Variants in ADSS1 observed in about 807,000 individuals in gnomAD.
The protein encoded by ADSS1 is adenylosuccinate synthase 1, also known as adenylosuccinate synthetase isozyme 1.
Under a neutral mutation model 59.1 loss-of-function variants are expected in ADSS1, and 57 were observed. The observed-to-expected ratio is 0.97, with a 90% CI of 0.78 to 1.20. The LOEUF (loss-of-function observed/expected upper bound fraction) is 1.20. Among genes scored for constraint, ADSS1 ranks in the 50% most tolerant of loss-of-function variants. The pLI is 0.00. For synonymous variants in ADSS1, 247 were observed against 249.4 expected, an observed-to-expected ratio of 0.99 and a Z score of 0.09; for missense variants, 603 against 610.3, an observed-to-expected ratio of 0.99 and a Z score of 0.13.
In ADSS1 at chr14:104,740,880, C is replaced by T. The variant is rs144265214; in HGVS notation, c.626C>T (p.Thr209Ile). Residue 209 changes from threonine (T) to isoleucine (I), a missense_variant, in exon 7 of 13, where the codon ACC becomes ATC. Transcript: ENST00000330877. The surrounding 1 kb of genome is among the most constrained non-coding windows in gnomAD (Gnocchi z 4.8). ...LAHQHQSMFP[T>I]LEIDIEGQLK... ...CACCAGCACCAGTCGATGTTCCCCA[C>T]CCTGGAAATAGACATTGAAGGCCAA... is the stretch of plus-strand genomic sequence containing the variant. 3 of 1,613,930 alleles carry T rather than the reference C, an allele frequency of 1.9e-6. No individual in the cohort carries two copies. Among genetic ancestry groups the T allele is most frequent in the South Asian group, 1.1e-5 (1 of 91,074 alleles).
At chr14:104,733,496 C>T (rs1398566516) in intron 1 of ADSS1, among the ~76,000 whole-genome samples, 1 of 152,168 alleles carries the variant, frequency 6.6e-6, no homozygotes, top group African/African-American at 2.4e-5. Flanking sequence ...CCAGATGCAT[C>T]GTGAGGAGCT....
In ADSS1 at chr14:104,746,306, A is replaced by G. The variant is rs532710620; in HGVS notation, c.1242A>G (p.Thr414=). The change falls in exon 12 of 13, where the codon ACA becomes ACG. Residue 414 remains threonine (T), a synonymous_variant. Transcript: ENST00000330877. ...TGCCTGGGTGGAAAGCAGACACCAC[A>G]GGCGCCAGGAGGTGGGAGGACCTGC... ...ETLPGWKADT[T]GARRWEDLPP... 6.8e-5 allele frequency: 109 copies of G among 1,613,686 alleles called. 1 individual carries two copies. The Middle Eastern group carries it at 9.9e-4, about 15-fold the overall frequency.
intron 10 of ADSS1, 136 bp from the exon 11 acceptor site, chr14:104,744,676 A>C (rs1196461644): frequency 6.2e-5 from 46 of 737,208 alleles, no homozygotes; most frequent in Non-Finnish European, 5.0e-5. Flanking sequence ...CAGGCCACCA[A>C]CCAGTACTGG....
In ADSS1 at chr14:104,739,798, A is replaced by C; in HGVS notation, c.458A>C (p.Gln153Pro). Residue 153 changes from glutamine to proline, a missense_variant, in exon 5 of 13, where the codon CAG becomes CCG. By Grantham distance (76) the Gln-to-Pro change is moderately conservative (BLOSUM62 -1). Transcript: ENST00000330877. The part of the protein sequence containing the change: ...AVDGLQEVQR[Q>P]AQEGKNIGTT... ...GACGGACTTCAGGAAGTGCAGCGCCAGGCACAAGAGGGGAAGAAGTAAGTC... is the reference window on the plus strand; with the variant it reads ...GACGGACTTCAGGAAGTGCAGCGCCCGGCACAAGAGGGGAAGAAGTAAGTC... The C allele has an allele frequency of 6.2e-7, 1 of 1,613,904 alleles. No homozygotes were observed. The highest frequency in any genetic ancestry group is 1.7e-5 in the Admixed American group (1 of 60,022).
rs577726971 is a variant in ADSS1 at position 104,729,511 on chromosome 14, G to T, written c.192+5049G>T. Among the ~76,000 whole-genome samples the T allele has an allele frequency of 1.3e-3, 189 of 142,822 alleles. 3 individuals are homozygous for T. Among genetic ancestry groups the T allele is most frequent in the African/African-American group, 4.5e-3 (175 of 38,832 alleles). 93.7% of individuals were successfully genotyped at this position (142,822 alleles called of 152,430 possible). ...GGAGGGAGGAGGTAGCGTCGGCGTGGGGGAGGAGCGTGGCGTCGGCGTCGT... is the reference window on the plus strand; with the variant it reads ...GGAGGGAGGAGGTAGCGTCGGCGTGTGGGAGGAGCGTGGCGTCGGCGTCGT... On this transcript the variant is annotated intron_variant, in intron 1 of 12. Transcript: ENST00000330877.
chr14:104,745,235 G>A (rs1303952530), intron 11 of ADSS1: 16 of 309,202 alleles, frequency 5.2e-5, no homozygotes, highest in South Asian at 4.3e-4. Context: ...AGGGAGCCAC[G>A]GGAGGCACAC....
At chr14:104,725,209 G>A (rs1012043956) in intron 1 of ADSS1, among the ~76,000 whole-genome samples, 11 of 152,138 alleles carry the variant, frequency 7.2e-5, no homozygotes, top group Non-Finnish European at 1.6e-4. Context: ...TGCTCTCAGC[G>A]CCCCCATCTG....
chr14:104,734,435 G>A (rs769246174), intron 1 of ADSS1, among the ~76,000 whole-genome samples: 6 of 152,242 alleles, frequency 3.9e-5, no homozygotes, highest in Non-Finnish European at 8.8e-5. Context: ...TGTATCATGT[G>A]GCTGTCTCAT....
intron 1 of ADSS1, among the ~76,000 whole-genome samples, chr14:104,733,403 C>G (rs1891002213): frequency 6.6e-6 from 1 of 152,246 alleles, no homozygotes; most frequent in Middle Eastern, 3.2e-3. Flanking sequence ...AGCCCCCTGC[C>G]TGGCATCTCT....
intron 8 of ADSS1, 76 bp from the exon 9 acceptor site, chr14:104,741,772 G>T: frequency 6.4e-7 from 1 of 1,570,584 alleles, no homozygotes; most frequent in Non-Finnish European, 8.7e-7. Context: ...GCCCTTTACT[G>T]AGAAGGCCTC....
chr14:104,735,256 A>C (rs1595201616), intron 2 of ADSS1, 134 bp downstream of exon 2: 1 of 797,442 alleles, frequency 1.3e-6, no homozygotes. Flanking sequence ...CCCAGCCTCC[A>C]CCTGCCCCAC....
rs761496802 is a variant in ADSS1 at position 104,732,126 on chromosome 14, C to T, written c.193-2894C>T. On this transcript the variant is annotated intron_variant, in intron 1 of 12. Coordinates refer to ENST00000330877, the MANE Select transcript of ADSS1 (RefSeq NM_152328.5). ...GGCGAGGCTGGCCCTGATGTTTGGT[C>T]CCTCCTCATCGGCCAGCCTCATGGT... Among the ~76,000 whole-genome samples the T allele has an allele frequency of 1.7e-3, 263 of 152,312 alleles. 3 individuals carry two copies. The highest frequency in any genetic ancestry group is 5.4e-3 in the African/African-American group (223 of 41,574).
chr14:104,732,315 G>A (rs1890960881), intron 1 of ADSS1, among the ~76,000 whole-genome samples: 3 of 152,228 alleles, frequency 2.0e-5, no homozygotes, highest in Non-Finnish European at 4.4e-5. Flanking sequence ...TGAAGCTGGA[G>A]GAAAGGCAGG....
rs917904590 is a variant in ADSS1, at chr14:104,738,267, G to A, written c.296-109G>A. On this transcript the variant is annotated intron_variant, in intron 2 of 12. Coordinates refer to ENST00000330877, the MANE Select transcript of ADSS1 (RefSeq NM_152328.5). ...CCTGCCTCAGCCTCCCAAAGTGCTA[G>A]GATTACAGGCATGAGCCACCGCACC... 1.5e-5 allele frequency: 17 copies of A among 1,157,396 alleles called. No homozygotes were observed. The African/African-American group carries it at 2.3e-4, about 16-fold the overall frequency. The allele number at this position is 1,157,396 out of a possible 1,614,324, so 71.7% of individuals were successfully genotyped here.
chr14:104,734,098 G>T (rs1891030017), intron 1 of ADSS1, among the ~76,000 whole-genome samples: 1 of 152,232 alleles, frequency 6.6e-6, no homozygotes, highest in Non-Finnish European at 1.5e-5. Context: ...GCCATCATGG[G>T]CCATCAGAGA....
rs1891592758 is a variant in ADSS1, at chr14:104,747,060, C to G, written c.*57C>G. 3 of 1,513,176 alleles carry G rather than the reference C, an allele frequency of 2.0e-6. No individual in the cohort carries two copies. In the East Asian group the frequency reaches 6.9e-5, roughly 35 times the overall value. 93.7% of individuals were successfully genotyped at this position (1,513,176 alleles called of 1,614,324 possible). On this transcript the variant is annotated 3_prime_UTR_variant, in exon 13 of 13. Coordinates refer to ENST00000330877, the MANE Select transcript of ADSS1 (RefSeq NM_152328.5). ...GCAGCGTCTGGACTTGTGTAAACAG[C>G]AGCAGTCACGTTCCTCGGCCGCCAC...
At chr14:104,739,573 G>A in intron 4 of ADSS1, 177 bp from the exon 5 acceptor site, 1 of 893,902 alleles carries the variant, frequency 1.1e-6, no homozygotes, top group Non-Finnish European at 1.7e-6. Context: ...TAGCCCATTT[G>A]CAGGTGGGGA....
Position 104,746,946 on chromosome 14 carries a change from C to T in ADSS1, c.1322-5C>T, listed in dbSNP as rs1891585394. The T allele has an allele frequency of 6.2e-7, 1 of 1,613,982 alleles. No individual in the cohort carries two copies. Among genetic ancestry groups the T allele is most frequent in the South Asian group, 1.1e-5 (1 of 91,072 alleles). On this transcript the variant is annotated splice_polypyrimidine_tract_variant and splice_region_variant and intron_variant, in intron 12 of 12. Transcript: ENST00000330877. Reference sequence around the variant, plus strand: ...GTATCATAACAGTCTTTTCTGCTCTCTCAGTCAAATGGGTTGGTGTTGGCA... The same window carrying T: ...GTATCATAACAGTCTTTTCTGCTCTTTCAGTCAAATGGGTTGGTGTTGGCA...
Position 104,747,190 on chromosome 14 carries a change from A to G in ADSS1, c.*187A>G, listed in dbSNP as rs949094379. 45 of 521,098 alleles carry G rather than the reference A, an allele frequency of 8.6e-5. No individual in the cohort carries two copies. The highest frequency in any genetic ancestry group is 7.6e-4 in the African/African-American group (40 of 52,518). The allele number at this position is 521,098 out of a possible 1,614,324, so 32.3% of individuals were successfully genotyped here. On this transcript the variant is annotated 3_prime_UTR_variant, in exon 13 of 13. Transcript: ENST00000330877. Reference sequence around the variant, plus strand: ...ACATTGGAAAGCCAGCCTTGTGTATATTTTTAAAAATTATATTCAAAATGA... The same window carrying G: ...ACATTGGAAAGCCAGCCTTGTGTATGTTTTTAAAAATTATATTCAAAATGA...
Sources: gnomAD v4.1 joint callset for allele counts (sites outside exome capture counted in the v4.1 genomes callset) on GRCh38, gnomAD v4.1.1 for gene constraint, Gnocchi (gnomAD v3.1) non-coding constraint, MANE v1.5 for transcripts, NCBI Gene and HGNC (gene_info 2026-07-23, HGNC 2026-07-21) for gene names.